Variants in OTOL1 observed in about 807,000 individuals in gnomAD.
The protein encoded by OTOL1 is otolin 1.
OTOL1 carries 31 observed loss-of-function variants against 25.0 expected under a neutral mutation model. The observed-to-expected ratio is 1.24, with a 90% CI of 0.93 to 1.67. The LOEUF is 1.67. Among genes scored for constraint, OTOL1 ranks in the 40% most tolerant of loss-of-function variants. The probability of loss-of-function intolerance (pLI) is 0.00; values close to 1 mark genes in which losing one functional copy is unlikely to be tolerated. For missense variants in OTOL1, 654 were observed against 587.7 expected, an observed-to-expected ratio of 1.11 and a Z score of -1.17; for synonymous variants, 225 against 210.3, an observed-to-expected ratio of 1.07 and a Z score of -0.61.
At chr3:161,502,256 T>C in intron 2 of OTOL1, 51 bp from the exon 3 acceptor site, 1 of 1,450,918 alleles carries the variant, frequency 6.9e-7, no homozygotes, top group Non-Finnish European at 9.6e-7. Flanking sequence ...GAATATTAAA[T>C]ATATCATAAA....
intron 2 of OTOL1, among the ~76,000 whole-genome samples, chr3:161,499,579 T>C (rs1718922254): frequency 6.6e-6 from 1 of 152,160 alleles, no homozygotes; most frequent in African/African-American, 2.4e-5. Flanking sequence ...GGTATAGAGA[T>C]ACCCTTCCTG....
Position 161,503,215 on chromosome 3 carries a change from G to C in OTOL1, c.707G>C (p.Gly236Ala). 1 of 1,442,592 alleles carries C rather than the reference G, an allele frequency of 6.9e-7. No individual in the cohort carries two copies. The highest frequency in any genetic ancestry group is 1.5e-5 in the South Asian group (1 of 66,500). 89.4% of individuals were successfully genotyped at this position (1,442,592 alleles called of 1,614,324 possible). Reference protein sequence around the residue: ...KGEKGEMGEKGEMGDKGCCGD... With the variant: ...KGEKGEMGEKAEMGDKGCCGD... ...GAGAAGGGGGAGATGGGGGAGAAGGGGGAGATGGGGGATAAGGGCTGCTGT... is the reference window on the plus strand; with the variant it reads ...GAGAAGGGGGAGATGGGGGAGAAGGCGGAGATGGGGGATAAGGGCTGCTGT... Residue 236 changes from glycine (G) to alanine (A), a missense_variant, in exon 4 of 4, where the codon GGG becomes GCG. Gly to Ala is a moderately conservative substitution (Grantham distance 60). Transcript: ENST00000327928.
chr3:161,503,170 G>A lies in OTOL1; in HGVS notation c.662G>A (p.Gly221Glu). Residue 221 changes from glycine (G) to glutamate (E), a missense_variant, in exon 4 of 4, where the codon GGA becomes GAA. By Grantham distance (98) the Gly-to-Glu change is moderately conservative. Coordinates refer to ENST00000327928, the MANE Select transcript of OTOL1 (RefSeq NM_001080440.1). ...GCTATGGGCTCACCTGGCCTGCACG[G>A]AGGGCCTGGCGCCAAGGGAGAGAAG... ...QGAMGSPGLH[G>E]GPGAKGEKGE... The A allele has an allele frequency of 6.8e-7, 1 of 1,461,876 alleles. No individual in the cohort carries two copies. The highest frequency in any genetic ancestry group is 9.0e-7 in the Non-Finnish European group (1 of 1,107,810). The allele number at this position is 1,461,876 out of a possible 1,614,324, so 90.6% of individuals were successfully genotyped here.
intron 2 of OTOL1, among the ~76,000 whole-genome samples, chr3:161,500,857 C>T (rs936822244): frequency 5.3e-5 from 8 of 150,690 alleles, no homozygotes. Flanking sequence ...TTAGAAAACT[C>T]TGCTAAATGA....
At chr3:161,499,330 T>C in intron 2 of OTOL1, 70 bp downstream of exon 2, 1 of 1,167,872 alleles carries the variant, frequency 8.6e-7, no homozygotes, top group Non-Finnish European at 1.2e-6. Flanking sequence ...AATTTGCTAC[T>C]TAAAGACTAG....
rs1372180235 is a variant in OTOL1, at chr3:161,497,063, CCCTT to C, written c.257_260del (p.Pro86LeufsTer13). On this transcript the variant is annotated frameshift_variant, in exon 1 of 4. Coordinates refer to ENST00000327928, the MANE Select transcript of OTOL1 (RefSeq NM_001080440.1). LOFTEE classifies it high-confidence loss of function. ...TGTCTTTGGCACTGCCACTCTCTCT[CCCTT>C]TGAAAACTTCACTCTTGACCCAGCT... 6.2e-7 allele frequency: 1 copy of C among 1,613,750 alleles called. No homozygotes were observed. Among genetic ancestry groups the C allele is most frequent in the African/African-American group, 1.3e-5 (1 of 75,032 alleles).
At chr3:161,502,411 A>G in intron 3 of OTOL1, 42 bp downstream of exon 3, 1 of 1,494,032 alleles carries the variant, frequency 6.7e-7, no homozygotes, top group Non-Finnish European at 9.3e-7. Context: ...TCAGGTGCGC[A>G]GTATAGCCCT....
chr3:161,503,055 A>G lies in OTOL1; in HGVS notation c.547A>G (p.Asn183Asp). 1 of 1,365,156 alleles carries G rather than the reference A, an allele frequency of 7.3e-7. No individual in the cohort carries two copies. Among genetic ancestry groups the G allele is most frequent in the Non-Finnish European group, 9.5e-7 (1 of 1,054,400 alleles). 84.6% of individuals were successfully genotyped at this position (1,365,156 alleles called of 1,614,324 possible). Reference sequence around the variant, plus strand: ...ACCTGGCCCTAAGGGAGATAAAGGAAACATTGGTTTGGGAGGAGTGAAAGG... The same window carrying G: ...ACCTGGCCCTAAGGGAGATAAAGGAGACATTGGTTTGGGAGGAGTGAAAGG... ...GEPGPKGDKG[N>D]IGLGGVKGQK... Residue 183 changes from asparagine (N) to aspartate (D), a missense_variant, in exon 4 of 4, where the codon AAC (asparagine) becomes GAC (aspartate). Physicochemically the swap from Asn to Asp is conservative, Grantham distance 23 (BLOSUM62 1). Coordinates refer to ENST00000327928, the MANE Select transcript of OTOL1 (RefSeq NM_001080440.1).
rs1417950825 is a variant in OTOL1 at position 161,503,202 on chromosome 3, A to G, written c.694A>G (p.Met232Val). ...TGGCGCCAAGGGAGAGAAGGGGGAG[A>G]TGGGGGAGAAGGGGGAGATGGGGGA... ...GPGAKGEKGE[M>V]GEKGEMGDKG... Residue 232 changes from methionine (M) to valine (V), a missense_variant, in exon 4 of 4, where the codon ATG becomes GTG. Coordinates refer to ENST00000327928, the MANE Select transcript of OTOL1 (RefSeq NM_001080440.1). 8 of 704,512 alleles carry G rather than the reference A, an allele frequency of 1.1e-5. No individual in the cohort carries two copies. The African/African-American group carries it at 2.3e-4, about 20-fold the overall frequency. 43.6% of individuals were successfully genotyped at this position (704,512 alleles called of 1,614,324 possible).
At chr3:161,499,149 G>A (rs1295645237) in intron 1 of OTOL1, 22 bp from the exon 2 acceptor site, 2 of 1,553,176 alleles carry the variant, frequency 1.3e-6, no homozygotes, top group Non-Finnish European at 1.8e-6. Flanking sequence ...ATATTCTGAT[G>A]TATTTAAAAT....
At position 161,503,142 on chromosome 3, in the gene OTOL1, G is replaced by A. The variant is rs1719016572; in HGVS notation, c.634G>A (p.Gly212Arg). The A allele has an allele frequency of 6.9e-7, 1 of 1,453,770 alleles. No homozygotes were observed. The highest frequency in any genetic ancestry group is 1.4e-5 in the African/African-American group (1 of 69,618). 90.1% of individuals were successfully genotyped at this position (1,453,770 alleles called of 1,614,324 possible). A position where few individuals can be genotyped will look rare whatever the true frequency, so the allele number is the denominator to read the frequency against. The change falls in exon 4 of 4, where the codon GGG becomes AGG. Residue 212 changes from glycine to arginine, a missense_variant. By Grantham distance (125) the Gly-to-Arg change is moderately radical. Coordinates refer to ENST00000327928, the MANE Select transcript of OTOL1 (RefSeq NM_001080440.1). The part of the protein sequence containing the change: ...NCTKGEKGDQ[G>R]AMGSPGLHGG... The stretch of plus-strand genomic sequence containing the variant: ...TACCAAAGGAGAAAAAGGAGACCAA[G>A]GGGCTATGGGCTCACCTGGCCTGCA...
At position 161,503,516 on chromosome 3, in the gene OTOL1, G is replaced by A. The variant is rs368761846; in HGVS notation, c.1008G>A (p.Glu336=). The A allele has an allele frequency of 6.8e-5, 110 of 1,613,706 alleles. No individual in the cohort carries two copies. Among genetic ancestry groups the A allele is most frequent in the Non-Finnish European group, 8.7e-5 (103 of 1,179,846 alleles). The stretch of plus-strand genomic sequence containing the variant: ...GGGGCTTTAAAGGCTCCAAGGGTGA[G>A]TTGGCTAGAGTGCCCCGGTCGGCTT... ...GSRGFKGSKG[E]LARVPRSAFS... The change falls in exon 4 of 4, where the codon GAG becomes GAA. Residue 336 remains glutamate (E), a synonymous_variant. Coordinates refer to ENST00000327928, the MANE Select transcript of OTOL1 (RefSeq NM_001080440.1).
chr3:161,498,997 C>T (rs2108228569), intron 1 of OTOL1, among the ~76,000 whole-genome samples, 174 bp from the exon 2 acceptor site: 1 of 152,260 alleles, frequency 6.6e-6, no homozygotes, highest in South Asian at 2.1e-4. Context: ...TACGAAATTG[C>T]AAATCAGACA....
intron 3 of OTOL1, 96 bp downstream of exon 3, chr3:161,502,465 C>G: frequency 9.7e-7 from 1 of 1,026,316 alleles, no homozygotes; most frequent in South Asian, 1.4e-5. Context: ...GAGAGGTAAG[C>G]TGAAAATACA....
Position 161,503,287 on chromosome 3 carries a change from G to C in OTOL1, c.779G>C (p.Gly260Ala). The C allele has an allele frequency of 7.4e-7, 1 of 1,350,298 alleles. No individual in the cohort carries two copies. Among genetic ancestry groups the C allele is most frequent in the Non-Finnish European group, 9.7e-7 (1 of 1,032,172 alleles). 83.6% of individuals were successfully genotyped at this position (1,350,298 alleles called of 1,614,324 possible). A position where few individuals can be genotyped will look rare whatever the true frequency, so the allele number is the denominator to read the frequency against. Residue 260 changes from glycine to alanine, a missense_variant, in exon 4 of 4, where the codon GGT becomes GCT. Coordinates refer to ENST00000327928, the MANE Select transcript of OTOL1 (RefSeq NM_001080440.1). Reference protein sequence around the residue: ...RGGKGQKGEGGMKGEKGSKGD... With the variant: ...RGGKGQKGEGAMKGEKGSKGD... ...GGAAAAGGACAGAAAGGTGAGGGGG[G>C]TATGAAAGGGGAAAAAGGTAGCAAA...
intron 3 of OTOL1, among the ~76,000 whole-genome samples, chr3:161,502,793 C>T (rs1163206033): frequency 6.6e-6 from 1 of 152,134 alleles, no homozygotes; most frequent in Admixed American, 6.5e-5. Context: ...AGATATATGG[C>T]ATCTGAATAT....
intron 3 of OTOL1, 30 bp downstream of exon 3, chr3:161,502,399 A>C (rs1390399246): frequency 6.3e-6 from 10 of 1,576,696 alleles, no homozygotes; most frequent in Non-Finnish European, 8.7e-6. Flanking sequence ...TACTGTGTAC[A>C]GTCAGGTGCG....
At position 161,496,832 on chromosome 3, in the gene OTOL1, G is replaced by A; in HGVS notation, c.25G>A (p.Ala9Thr). MWMFSWLC[A>T]ILIILAIAGM... ...TATGTGGATGTTTTCTTGGCTTTGT[G>A]CTATTTTAATTATTTTGGCTATTGC... The change falls in exon 1 of 4, where the codon GCT becomes ACT. Residue 9 changes from alanine to threonine, a missense_variant. Physicochemically the swap from Ala to Thr is moderately conservative, Grantham distance 58. Coordinates refer to ENST00000327928, the MANE Select transcript of OTOL1 (RefSeq NM_001080440.1). 2 of 1,589,058 alleles carry A rather than the reference G, an allele frequency of 1.3e-6. No individual in the cohort carries two copies. Among genetic ancestry groups the A allele is most frequent in the Non-Finnish European group, 1.7e-6 (2 of 1,168,476 alleles).
intron 1 of OTOL1, 148 bp from the exon 2 acceptor site, chr3:161,499,023 G>A (rs1008688044): frequency 1.6e-5 from 11 of 678,954 alleles, no homozygotes; most frequent in Admixed American, 5.5e-5. Context: ...ATTGCCCTTA[G>A]GACTCTGTGT....
Sources: gnomAD v4.1 joint callset for allele counts (sites outside exome capture counted in the v4.1 genomes callset) on GRCh38, gnomAD v4.1.1 for gene constraint, MANE v1.5 for transcripts, NCBI Gene and HGNC (gene_info 2026-07-23, HGNC 2026-07-21) for gene names.